Variants in TTC1 observed in about 807,000 individuals in gnomAD.
TTC1 encodes the protein tetratricopeptide repeat domain 1.
TTC1 carries 31 observed loss-of-function variants against 37.6 expected under a neutral mutation model. The ratio of observed to expected loss-of-function variants is 0.82; its 90% confidence interval spans 0.62 to 1.11. The LOEUF is 1.11. Among genes scored for constraint, TTC1 ranks in the 50% most tolerant of loss-of-function variants. TTC1 has a pLI of 0.00. For missense variants in TTC1, 351 were observed against 339.0 expected, an observed-to-expected ratio of 1.04 and a Z score of -0.28; for synonymous variants, 127 against 122.4, an observed-to-expected ratio of 1.04 and a Z score of -0.25.
chr5:160,041,317 T>C (rs1423545080), intron 4 of TTC1, among the ~76,000 whole-genome samples: 1 of 151,016 alleles, frequency 6.6e-6, no homozygotes, highest in Non-Finnish European at 1.5e-5. Context: ...TTCTTTCTTT[T>C]TTTTTTTTTT....
intron 5 of TTC1, among the ~76,000 whole-genome samples, chr5:160,049,312 A>G (rs1757340272): frequency 6.6e-6 from 1 of 152,216 alleles, no homozygotes; most frequent in Non-Finnish European, 1.5e-5. Flanking sequence ...GCTGCGACAC[A>G]GATGGTCTGT....
chr5:160,015,444 C>T (rs1423216160), intron 2 of TTC1, among the ~76,000 whole-genome samples: 2 of 152,124 alleles, frequency 1.3e-5, no homozygotes, highest in Non-Finnish European at 2.9e-5. Context: ...TGGACTCAAG[C>T]AATATTCCCA....
intron 2 of TTC1, 49 bp from the exon 3 acceptor site, chr5:160,035,091 A>G (rs369081262): frequency 2.7e-6 from 4 of 1,495,488 alleles, no homozygotes; most frequent in African/African-American, 2.9e-5. Context: ...CTTTTTGTTC[A>G]CTTATAATAA....
chr5:160,048,520 C>T (rs1337562841), intron 5 of TTC1, among the ~76,000 whole-genome samples: 10 of 151,936 alleles, frequency 6.6e-5, no homozygotes, highest in Admixed American at 6.6e-4. Context: ...GTATGTTGAA[C>T]CAAAACATAG....
intron 4 of TTC1, among the ~76,000 whole-genome samples, chr5:160,040,265 TACACAC>T (rs34348207): frequency 2.0e-5 from 3 of 150,832 alleles, no homozygotes; most frequent in Non-Finnish European, 4.4e-5. Context: ...CACATATGTA[TACACAC>T]ACACACACAC....
chr5:160,041,347 G>A (rs1757089841), intron 4 of TTC1, among the ~76,000 whole-genome samples: 2 of 130,340 alleles, frequency 1.5e-5, no homozygotes. Context: ...GAGTTACTCT[G>A]TTGCCTAGGC....
At chr5:160,044,015 A>G (rs932328071) in intron 5 of TTC1, among the ~76,000 whole-genome samples, 1 of 152,252 alleles carries the variant, frequency 6.6e-6, no homozygotes, top group Admixed American at 6.5e-5. Context: ...TAGGCCAGAC[A>G]GGTGCCTTGC....
chr5:160,019,354 T>C (rs1656837886), intron 2 of TTC1, among the ~76,000 whole-genome samples: 1 of 152,178 alleles, frequency 6.6e-6, no homozygotes, highest in Non-Finnish European at 1.5e-5. Flanking sequence ...CCCTCTGTCA[T>C]TTTTCCTAAA....
In TTC1 at chr5:160,048,268, A is replaced by G. The variant is rs1241279337; in HGVS notation, c.542-1246A>G. On this transcript the variant is annotated intron_variant, in intron 5 of 7. Coordinates refer to ENST00000231238, the MANE Select transcript of TTC1 (RefSeq NM_003314.3). ...CTGGGTTCAAGTGATTCTTATGCCT[A>G]AACCACCCAAATAGCTGGGATTATA... 2.6e-5 allele frequency among the ~76,000 whole-genome samples: 4 copies of G among 151,236 alleles called. No homozygotes were observed. The East Asian group carries it at 7.8e-4, about 30-fold the overall frequency.
At chr5:160,055,529 C>G (rs1048761825) in intron 7 of TTC1, among the ~76,000 whole-genome samples, 6 of 152,208 alleles carry the variant, frequency 3.9e-5, no homozygotes, top group Non-Finnish European at 8.8e-5. Context: ...AGATATGGTG[C>G]CCAGAACATC....
intron 2 of TTC1, among the ~76,000 whole-genome samples, chr5:160,024,707 C>T (rs1392394812): frequency 6.6e-6 from 1 of 151,628 alleles, no homozygotes; most frequent in Non-Finnish European, 1.5e-5. Context: ...CTTTGTTGCC[C>T]CGGTTGGTCT....
At chr5:160,045,484 A>T (rs1439709496) in intron 5 of TTC1, among the ~76,000 whole-genome samples, 2 of 118,550 alleles carry the variant, frequency 1.7e-5, no homozygotes, top group African/African-American at 3.4e-5. Flanking sequence ...ACACACACAC[A>T]CACACACACA....
chr5:160,023,292 T>C (rs1265272557), intron 2 of TTC1, among the ~76,000 whole-genome samples: 1 of 150,662 alleles, frequency 6.6e-6, no homozygotes, highest in Non-Finnish European at 1.5e-5. Flanking sequence ...TTGGTTTTCT[T>C]TCTTTTTTTT....
chr5:160,010,534 G>C lies in TTC1; in HGVS notation c.6G>C (p.Gly2=), dbSNP rs1484172960. ...CACCTCCCTCACTGGGCAGCATGGG[G>C]GAGAAGTCAGAGAACTGTGGGGTTC... M[G]EKSENCGVPE... The change falls in exon 2 of 8, where the codon GGG becomes GGC. Residue 2 remains glycine, a synonymous_variant. Coordinates refer to ENST00000231238, the MANE Select transcript of TTC1 (RefSeq NM_003314.3). 1 of 1,612,120 alleles carries C rather than the reference G, an allele frequency of 6.2e-7. No individual in the cohort carries two copies. The highest frequency in any genetic ancestry group is 1.1e-5 in the South Asian group (1 of 91,064).
chr5:160,026,613 A>G (rs141157845), intron 2 of TTC1, among the ~76,000 whole-genome samples: 1 of 152,304 alleles, frequency 6.6e-6, no homozygotes, highest in African/African-American at 2.4e-5. Context: ...GTCTGATAGC[A>G]CTTCAGCTAC....
At chr5:160,036,414 A>G in intron 3 of TTC1, 1 of 273,840 alleles carries the variant, frequency 3.7e-6, no homozygotes, top group Middle Eastern at 1.3e-3. Context: ...AGGGAATGCC[A>G]GGACTCCTGA....
chr5:160,049,180 A>C (rs1757336227), intron 5 of TTC1, among the ~76,000 whole-genome samples: 1 of 152,220 alleles, frequency 6.6e-6, no homozygotes, highest in Non-Finnish European at 1.5e-5. Context: ...ATTTCATGAT[A>C]ATGTGAAAAT....
chr5:160,060,876 C>G (rs1267662701), intron 7 of TTC1, among the ~76,000 whole-genome samples: 1 of 152,226 alleles, frequency 6.6e-6, no homozygotes, highest in East Asian at 1.9e-4. Flanking sequence ...GGCTTCAGAG[C>G]CCATCTACCC....
chr5:160,029,360 G>A lies in TTC1; in HGVS notation c.331-5780G>A, dbSNP rs940890840. 4.6e-5 allele frequency among the ~76,000 whole-genome samples: 7 copies of A among 151,978 alleles called. No individual in the cohort carries two copies. In the East Asian group the frequency reaches 7.7e-4, roughly 17 times the overall value. ...TCCACACTAAAAGAATCCAGGACTC[G>A]GCTGAATGGGGTGGCTCATACCTGT... is the stretch of plus-strand genomic sequence containing the variant. On this transcript the variant is annotated intron_variant, in intron 2 of 7. Transcript: ENST00000231238.
Sources: allele counts gnomAD v4.1 joint callset (sites outside exome capture counted in the v4.1 genomes callset), GRCh38; gene constraint gnomAD v4.1.1; transcripts MANE v1.5; gene names NCBI Gene and HGNC (gene_info 2026-07-23, HGNC 2026-07-21).